LINGO2: variants seen among roughly 807,000 people sequenced by gnomAD.
The protein encoded by LINGO2 is leucine-rich repeat and immunoglobulin-like domain-containing nogo receptor-interacting protein 2.
LINGO2 carries 14 observed loss-of-function variants against 30.6 expected under a neutral mutation model. The ratio of observed to expected loss-of-function variants is 0.46; its 90% CI spans 0.30 to 0.72. LINGO2 has a LOEUF of 0.72. LINGO2 is among the 30% of genes least tolerant of loss of function. The pLI is 0.07. For missense variants in LINGO2, 729 were observed against 751.7 expected (o/e 0.97, Z 0.35); for synonymous variants, 317 against 288.5 (o/e 1.10, Z -1.00).
At position 28,472,268 on chromosome 9, in the gene LINGO2, A is replaced by G. The variant is rs558839840; in HGVS notation, c.-279+3672T>C. Among the ~76,000 whole-genome samples, 3 of 152,204 alleles carry G rather than the reference A, an allele frequency of 2.0e-5. No homozygotes were observed. The East Asian group carries it at 5.8e-4, about 29-fold the overall frequency. On this transcript the variant is annotated intron_variant, in intron 2 of 5. Transcript: ENST00000379992. The stretch of plus-strand genomic sequence containing the variant: ...TATATACCAGAAAACAGAAGAGACT[A>G]AAGTTAAAAAATAAAAAATTACTTC...
At chr9:28,317,942 G>C (rs890233589) in intron 3 of LINGO2, among the ~76,000 whole-genome samples, 14 of 152,096 alleles carry the variant, frequency 9.2e-5, no homozygotes, top group Non-Finnish European at 1.9e-4. Flanking sequence ...AAGAGATAAA[G>C]AGGGAGTTTG....
intron 1 of LINGO2, among the ~76,000 whole-genome samples, chr9:28,512,352 T>C (rs1211381652): frequency 1.3e-5 from 2 of 151,724 alleles, no homozygotes; most frequent in Admixed American, 1.3e-4. Context: ...TCCAAAATCC[T>C]AGAGGCCTCC....
At chr9:28,543,840 G>T (rs530416342) in intron 1 of LINGO2, among the ~76,000 whole-genome samples, 1 of 152,020 alleles carries the variant, frequency 6.6e-6, no homozygotes, top group South Asian at 2.1e-4. Context: ...GGCACCTGAT[G>T]ACATACTTAA....
Position 28,056,038 on chromosome 9 carries a change from G to A in LINGO2, c.-86-43633C>T, listed in dbSNP as rs187011040. On this transcript the variant is annotated intron_variant, in intron 4 of 5. Coordinates refer to ENST00000379992, the Ensembl canonical transcript of LINGO2. The stretch of plus-strand genomic sequence containing the variant: ...ATAGAAATGAAAACTTAAGACAAAA[G>A]AAACTATTTTAAAGGAAAGATCCAG... 2.6e-4 allele frequency among the ~76,000 whole-genome samples: 39 copies of A among 152,228 alleles called. No individual in the cohort carries two copies. In the East Asian group the frequency reaches 6.6e-3, roughly 26 times the overall value.
At chr9:28,741,573 G>A in the LINGO2 span, among the ~76,000 whole-genome samples, 2 of 151,984 alleles carry the variant, frequency 1.3e-5, no homozygotes, top group Admixed American at 6.6e-5. Flanking sequence ...GGTTGTGGGG[G>A]CGCTGGTCCA....
chr9:28,452,790 C>T lies in LINGO2; in HGVS notation c.-279+23150G>A, dbSNP rs114351171. Among the ~76,000 whole-genome samples, 500 of 151,730 alleles carry T rather than the reference C, an allele frequency of 3.3e-3. 4 individuals carry two copies. Among genetic ancestry groups the T allele is most frequent in the African/African-American group, 0.011 (461 of 41,464 alleles). ...AAGTACAGTCTAGACAAAATGTAAG[C>T]ATATATGTACAAACATGGGTAAGAG... On this transcript the variant is annotated intron_variant, in intron 2 of 5. Coordinates refer to ENST00000379992, the Ensembl canonical transcript of LINGO2.
At chr9:28,342,960 C>A (rs943125098) in intron 3 of LINGO2, among the ~76,000 whole-genome samples, 1 of 152,128 alleles carries the variant, frequency 6.6e-6, no homozygotes, top group Non-Finnish European at 1.5e-5. Flanking sequence ...ATGAGACATT[C>A]ACTGGCAGCA....
intron 2 of LINGO2, among the ~76,000 whole-genome samples, chr9:28,424,597 T>C (rs150119079): frequency 2.0e-4 from 30 of 152,312 alleles, no homozygotes; most frequent in African/African-American, 6.0e-4. Flanking sequence ...ACAACATTTA[T>C]GGTAGCATTT....
At chr9:27,941,060 T>C in the LINGO2 span, 1 of 109,562 alleles carries the variant, frequency 9.1e-6, no homozygotes, top group Non-Finnish European at 2.2e-5. Flanking sequence ...GTTAGAGATG[T>C]GACTCTGACC....
At chr9:29,097,169 C>T in the LINGO2 span, among the ~76,000 whole-genome samples, 1 of 138,214 alleles carries the variant, frequency 7.2e-6, no homozygotes, top group Admixed American at 7.4e-5. Context: ...AAAGTTTATA[C>T]ACATTCTAAA....
intron 5 of LINGO2, among the ~76,000 whole-genome samples, chr9:27,965,354 C>T (rs772083936): frequency 4.6e-4 from 69 of 151,010 alleles, no homozygotes; most frequent in Admixed American, 2.0e-3. Context: ...AAATACCTCT[C>T]ATTGCAAATA....
intron 4 of LINGO2, among the ~76,000 whole-genome samples, chr9:28,212,345 G>A (rs1322423203): frequency 6.6e-6 from 1 of 151,264 alleles, no homozygotes; most frequent in Non-Finnish European, 1.5e-5. Flanking sequence ...TTTTGTCTAA[G>A]TTAGCATGGC....
chr9:28,170,532 A>G (rs1828553085), intron 4 of LINGO2, among the ~76,000 whole-genome samples: 1 of 152,200 alleles, frequency 6.6e-6, no homozygotes, highest in Non-Finnish European at 1.5e-5. Context: ...AACTGCCTCT[A>G]CTTCTGGAAT....
At chr9:28,884,984 TA>T in the LINGO2 span, among the ~76,000 whole-genome samples, 1 of 5,614 alleles carries the variant, frequency 1.8e-4, no homozygotes, top group African/African-American at 5.3e-4. Context: ...ATATATAATA[TA>T]TAATAATATA....
At chr9:28,521,983 G>T (rs1236943559) in intron 1 of LINGO2, among the ~76,000 whole-genome samples, 2 of 152,320 alleles carry the variant, frequency 1.3e-5, no homozygotes, top group African/African-American at 4.8e-5. Context: ...TATCCATCGA[G>T]GGAGCATGGC....
the LINGO2 span, among the ~76,000 whole-genome samples, chr9:28,855,153 T>C: frequency 6.6e-6 from 1 of 151,978 alleles, no homozygotes; most frequent in Non-Finnish European, 1.5e-5. Flanking sequence ...TCATTCCATG[T>C]TTTGCAAGAT....
chr9:28,755,692 T>C, the LINGO2 span, among the ~76,000 whole-genome samples: 1 of 152,104 alleles, frequency 6.6e-6, no homozygotes, highest in Non-Finnish European at 1.5e-5. Context: ...CCTGTTGTAT[T>C]ATCAGCTACT....
chr9:28,903,154 G>T, the LINGO2 span, among the ~76,000 whole-genome samples: 2 of 151,186 alleles, frequency 1.3e-5, no homozygotes, highest in African/African-American at 2.4e-5. Flanking sequence ...AAAGACAGAA[G>T]ATTCAAATAA....
chr9:28,960,411 A>C, the LINGO2 span, among the ~76,000 whole-genome samples: 1 of 151,602 alleles, frequency 6.6e-6, no homozygotes, highest in Non-Finnish European at 1.5e-5. Flanking sequence ...GAGGCAGGAG[A>C]ATCACTGGAA....
Sources: allele counts gnomAD v4.1 joint callset (sites outside exome capture counted in the v4.1 genomes callset), GRCh38; gene constraint gnomAD v4.1.1; transcripts MANE v1.5; gene names NCBI Gene and HGNC (gene_info 2026-07-23, HGNC 2026-07-21).